The following CSGALNACT1 variants were observed in gnomAD, a reference collection of about 807,000 sequenced individuals.
The protein encoded by CSGALNACT1 is chondroitin sulfate N-acetylgalactosaminyltransferase 1.
In CSGALNACT1, 52 loss-of-function variants were observed where a neutral mutation model predicts 51.0. The observed-to-expected ratio is 1.02, with a 90% CI of 0.82 to 1.29. The LOEUF is 1.29. Among genes scored for constraint, CSGALNACT1 ranks in the 50% most tolerant of loss-of-function variants. The pLI, the probability that CSGALNACT1 is intolerant of heterozygous loss-of-function variation, is 0.00. For missense variants in CSGALNACT1, 935 were observed against 679.2 expected, an observed-to-expected ratio of 1.38 and a Z score of -4.19; for synonymous variants, 341 against 254.4, an observed-to-expected ratio of 1.34 and a Z score of -3.24.
At chr8:19,446,550 C>G (rs1361149336) in intron 5 of CSGALNACT1, among the ~76,000 whole-genome samples, 1 of 152,120 alleles carries the variant, frequency 6.6e-6, no homozygotes, top group East Asian at 1.9e-4. Context: ...GAGAGAGAGT[C>G]TCGCTCTCTC....
Position 19,696,736 on chromosome 8 carries a change from C to T in CSGALNACT1, c.-297+61114G>A, listed in dbSNP as rs531030116. On this transcript the variant is annotated intron_variant, in intron 1 of 1. Transcript: ENST00000517494. Reference sequence around the variant, plus strand: ...GGTACCACACAGGGCTGTTGCAAGGCTTCAGCACACAAGTTCATGTGGGGC... The same window carrying T: ...GGTACCACACAGGGCTGTTGCAAGGTTTCAGCACACAAGTTCATGTGGGGC... Among the ~76,000 whole-genome samples, 360 of 152,206 alleles carry T rather than the reference C, an allele frequency of 2.4e-3. 1 individual carries two copies. Among genetic ancestry groups the T allele is most frequent in the African/African-American group, 8.2e-3 (342 of 41,536 alleles).
chr8:19,426,638 A>G (rs995762344), intron 6 of CSGALNACT1, among the ~76,000 whole-genome samples: 5 of 152,200 alleles, frequency 3.3e-5, no homozygotes, highest in Non-Finnish European at 5.9e-5. Flanking sequence ...TCAACTGACA[A>G]AACTCTTCCA....
intron 1 of CSGALNACT1, among the ~76,000 whole-genome samples, chr8:19,755,476 A>AAAAAAAAAAAC: frequency 1.4e-5 from 2 of 147,106 alleles, no homozygotes; most frequent in African/African-American, 2.5e-5. Context: ...AAAAAAAAAA[A>AAAAAAAAAAAC]AAAAAGACAA....
At chr8:19,671,741 G>C (rs969813329) in intron 1 of CSGALNACT1, among the ~76,000 whole-genome samples, 2 of 152,112 alleles carry the variant, frequency 1.3e-5, no homozygotes, top group African/African-American at 4.8e-5. Flanking sequence ...GCGGGGTGGT[G>C]GGGGGAGCTA....
Position 19,520,010 on chromosome 8 carries a change from G to A in CSGALNACT1, c.-296-13880C>T, listed in dbSNP as rs536806723. Among the ~76,000 whole-genome samples the A allele has an allele frequency of 2.6e-5, 4 of 152,350 alleles. No individual in the cohort carries two copies. The East Asian group carries it at 7.7e-4, about 29-fold the overall frequency. The stretch of plus-strand genomic sequence containing the variant: ...CCGGCACCCACTCTGATGAGTTCAT[G>A]GAGGTGTTTTGCTGGCGTGTTCTAG... On this transcript the variant is annotated intron_variant, in intron 3 of 9. Transcript: ENST00000454498.
chr8:19,427,146 G>C (rs2058893471), intron 6 of CSGALNACT1, among the ~76,000 whole-genome samples: 1 of 152,148 alleles, frequency 6.6e-6, no homozygotes, highest in African/African-American at 2.4e-5. Flanking sequence ...CTTTAAGCCT[G>C]TTTTAGCAAG....
At chr8:19,603,745 C>T (rs537176616), upstream of CSGALNACT1, among the ~76,000 whole-genome samples, 9 of 152,288 alleles carry the variant, frequency 5.9e-5, no homozygotes, top group African/African-American at 2.2e-4. Context: ...CTGGCATGGT[C>T]TTTATGGATA....
intron 3 of CSGALNACT1, among the ~76,000 whole-genome samples, chr8:19,550,573 T>G (rs2087755100): frequency 6.6e-6 from 1 of 152,212 alleles, no homozygotes; most frequent in Non-Finnish European, 1.5e-5. Context: ...TCTTTCCTGC[T>G]TATTTATTTG....
At chr8:19,491,734 G>A (rs2074399824) in intron 4 of CSGALNACT1, among the ~76,000 whole-genome samples, 1 of 152,186 alleles carries the variant, frequency 6.6e-6, no homozygotes, top group African/African-American at 2.4e-5. Context: ...AACAAAGCAA[G>A]GTCTTTTCAC....
chr8:19,702,556 A>T (rs764510315), intron 1 of CSGALNACT1, among the ~76,000 whole-genome samples: 4 of 152,090 alleles, frequency 2.6e-5, no homozygotes, highest in Non-Finnish European at 4.4e-5. Flanking sequence ...TTCAACCTGC[A>T]TCTGCTCCCA....
intron 6 of CSGALNACT1, among the ~76,000 whole-genome samples, chr8:19,432,895 A>C (rs1315141628): frequency 6.6e-6 from 1 of 152,158 alleles, no homozygotes; most frequent in Non-Finnish European, 1.5e-5. Context: ...CAACTGATTA[A>C]AAATTTTTGT....
chr8:19,637,981 G>A (rs1009689627), intron 1 of CSGALNACT1, among the ~76,000 whole-genome samples: 3 of 152,228 alleles, frequency 2.0e-5, no homozygotes, highest in Admixed American at 6.5e-5. Flanking sequence ...TGGTTAAACC[G>A]AAGGAAGCAG....
At chr8:19,591,043 C>G (rs114974414) in intron 3 of CSGALNACT1, 1 of 152,154 alleles carries the variant, frequency 6.6e-6, no homozygotes, top group East Asian at 1.9e-4. Flanking sequence ...GAACCAAGAA[C>G]GGTGAAGAAC....
chr8:19,505,718 G>GT lies in CSGALNACT1; in HGVS notation c.116dup (p.Asp39GlufsTer53). On this transcript the variant is annotated frameshift_variant, in exon 4 of 10. Transcript: ENST00000454498. LOFTEE classifies it high-confidence loss of function. ...CCCTGGGCAGTGCCAGCTGCTCCTC[G>GT]TCACCTTTTGGGGTGCAGGCCAACA... 1 of 1,614,142 alleles carries GT rather than the reference G, an allele frequency of 6.2e-7. No homozygotes were observed. Among genetic ancestry groups the GT allele is most frequent in the Non-Finnish European group, 8.5e-7 (1 of 1,180,038 alleles).
intron 1 of CSGALNACT1, among the ~76,000 whole-genome samples, chr8:19,709,676 T>G (rs1199823525): frequency 2.0e-5 from 3 of 152,180 alleles, no homozygotes; most frequent in Non-Finnish European, 2.9e-5. Flanking sequence ...AACTTGGCAC[T>G]CAGTGGTATC....
intron 5 of CSGALNACT1, among the ~76,000 whole-genome samples, chr8:19,452,016 T>G (rs2063271083): frequency 6.6e-6 from 1 of 152,234 alleles, no homozygotes; most frequent in Non-Finnish European, 1.5e-5. Flanking sequence ...GAAATAGCAA[T>G]CATTGCAAAC....
At chr8:19,438,667 T>C (rs1490461889) in intron 6 of CSGALNACT1, among the ~76,000 whole-genome samples, 1 of 152,142 alleles carries the variant, frequency 6.6e-6, no homozygotes, top group African/African-American at 2.4e-5. Flanking sequence ...TGCACAGCTG[T>C]AGACAAAGGC....
At chr8:19,601,772 T>C (rs1564223301) in exon 2 of CSGALNACT1, 2 of 453,036 alleles carry the variant, frequency 4.4e-6, no homozygotes, top group Non-Finnish European at 8.8e-6. Context: ...CTCACTTACC[T>C]GGGGGTTCAA....
In CSGALNACT1 at chr8:19,569,755, C is replaced by A. The variant is rs559070368; in HGVS notation, c.-297+21405G>T. Among the ~76,000 whole-genome samples the A allele has an allele frequency of 4.6e-5, 7 of 152,220 alleles. No homozygotes were observed. In the South Asian group the frequency reaches 1.5e-3, roughly 32 times the overall value. ...GAACAGACATGTCCACCAGAAAGCA[C>A]GAACAAGGATATTTAGAAATTTTAT... On this transcript the variant is annotated intron_variant, in intron 3 of 9. Coordinates refer to ENST00000454498, the Ensembl canonical transcript of CSGALNACT1.
Sources: gnomAD v4.1 joint callset for allele counts (sites outside exome capture counted in the v4.1 genomes callset) on GRCh38, gnomAD v4.1.1 for gene constraint, MANE v1.5 for transcripts, NCBI Gene and HGNC (gene_info 2026-07-23, HGNC 2026-07-21) for gene names.